The following FLI1 variants were observed in gnomAD, a reference collection of about 807,000 sequenced individuals.
FLI1 encodes Fli-1 proto-oncogene, ETS transcription factor, also known as Friend leukemia integration 1 transcription factor.
In FLI1, 13 loss-of-function variants were observed where a neutral mutation model predicts 53.1. The observed-to-expected ratio is 0.24, with a 90% CI of 0.16 to 0.39. FLI1 has a LOEUF of 0.39. Ranked by LOEUF, FLI1 falls within the 10% of genes least tolerant of loss-of-function variation. FLI1 has a pLI of 1.00. For missense variants in FLI1, 424 were observed against 600.5 expected (o/e 0.71, Z 3.07); for synonymous variants, 244 against 236.7 (o/e 1.03, Z -0.28).
chr11:128,743,994 G>C (rs182805807), intron 1 of FLI1, among the ~76,000 whole-genome samples: 2 of 152,186 alleles, frequency 1.3e-5, no homozygotes, highest in Admixed American at 1.3e-4. Context: ...AGCTGCCAAT[G>C]GAGGGACCAG....
chr11:128,716,917 G>T (rs1007805833), intron 1 of FLI1, among the ~76,000 whole-genome samples: 3 of 152,268 alleles, frequency 2.0e-5, no homozygotes, highest in African/African-American at 7.2e-5. Context: ...AAGAAGGCAG[G>T]GCATGCTCGT....
intron 1 of FLI1, among the ~76,000 whole-genome samples, chr11:128,723,044 A>G (rs1436023360): frequency 2.6e-5 from 4 of 152,146 alleles, no homozygotes; most frequent in African/African-American, 9.7e-5. Context: ...TCTGCGTGGT[A>G]GAAAGAGGGC....
intron 1 of FLI1, among the ~76,000 whole-genome samples, chr11:128,742,738 T>C (rs1407336205): frequency 6.6e-6 from 1 of 152,242 alleles, no homozygotes; most frequent in Non-Finnish European, 1.5e-5. Flanking sequence ...CTTCTTTCTA[T>C]GGAAATGAAT....
chr11:128,786,984 C>T (rs1014185445), intron 5 of FLI1, among the ~76,000 whole-genome samples: 20 of 152,164 alleles, frequency 1.3e-4, no homozygotes, highest in East Asian at 5.8e-4. Flanking sequence ...CCACTGCAAG[C>T]GGAATGGCCA....
chr11:128,732,519 G>A (rs1329735551), intron 1 of FLI1, among the ~76,000 whole-genome samples: 1 of 152,222 alleles, frequency 6.6e-6, no homozygotes, highest in Admixed American at 6.5e-5. Flanking sequence ...AGTCCAATGG[G>A]AGAGCGACAC....
chr11:128,728,965 A>T (rs991983641), intron 1 of FLI1, among the ~76,000 whole-genome samples: 11 of 152,180 alleles, frequency 7.2e-5, no homozygotes, highest in African/African-American at 2.7e-4. Context: ...TGACTCAAGG[A>T]GTTGAGAACC....
intron 1 of FLI1, among the ~76,000 whole-genome samples, chr11:128,727,110 C>T (rs938198232): frequency 2.6e-5 from 4 of 152,066 alleles, no homozygotes; most frequent in African/African-American, 7.3e-5. Context: ...ATAGGCATGT[C>T]CGTAGTTGAA....
intron 1 of FLI1, among the ~76,000 whole-genome samples, chr11:128,753,715 G>A (rs1940744827): frequency 6.6e-6 from 1 of 152,242 alleles, no homozygotes; most frequent in Admixed American, 6.5e-5. Flanking sequence ...GCAAATAAGT[G>A]AAATTTCTGC....
intron 5 of FLI1, among the ~76,000 whole-genome samples, chr11:128,793,732 T>C (rs1364939146): frequency 6.6e-6 from 1 of 152,206 alleles, no homozygotes; most frequent in East Asian, 1.9e-4. Flanking sequence ...TAGGTGCCCA[T>C]GTGCTCTGCT....
At chr11:128,719,442 G>A (rs1939164446) in intron 1 of FLI1, among the ~76,000 whole-genome samples, 2 of 151,602 alleles carry the variant, frequency 1.3e-5, no homozygotes, top group African/African-American at 4.9e-5. Flanking sequence ...AAGTTCCCCT[G>A]GGAGTCTCAG....
rs771888543 is a variant in FLI1, at chr11:128,810,725, G to T, written c.1096G>T (p.Ala366Ser). 1.2e-6 allele frequency: 2 copies of T among 1,614,036 alleles called. No individual in the cohort carries two copies. The highest frequency in any genetic ancestry group is 1.7e-6 in the Non-Finnish European group (2 of 1,179,890). ...TTACAAATTTGACTTCCACGGCATT[G>T]CCCAGGCTCTGCAGCCACATCCGAC... ...YAYKFDFHGI[A>S]QALQPHPTES... Residue 366 changes from alanine to serine, a missense_variant, in exon 9 of 9, where the codon GCC (alanine) becomes TCC (serine). By Grantham distance (99) the Ala-to-Ser change is moderately conservative. Around this residue, in one of 5 missense-constraint regions of FLI1, gnomAD observed 71 missense variants for 174.2 expected, o/e 0.41. Transcript: ENST00000527786. The surrounding 1 kb of genome is among the most constrained non-coding windows in gnomAD (Gnocchi z 6.6).
chr11:128,798,813 C>G (rs1036128730), intron 5 of FLI1, among the ~76,000 whole-genome samples: 1 of 152,024 alleles, frequency 6.6e-6, no homozygotes, highest in Non-Finnish European at 1.5e-5. Flanking sequence ...AGGACTTGGT[C>G]CTGAGCTTCA....
intron 1 of FLI1, among the ~76,000 whole-genome samples, chr11:128,739,136 G>A (rs1940025313): frequency 6.6e-6 from 1 of 152,140 alleles, no homozygotes; most frequent in Admixed American, 6.5e-5. Flanking sequence ...GGCTGAGGGA[G>A]ATCTCTTAGC....
At chr11:128,716,251 C>A (rs536311006) in intron 1 of FLI1, among the ~76,000 whole-genome samples, 2 of 152,230 alleles carry the variant, frequency 1.3e-5, no homozygotes, top group East Asian at 3.9e-4. Context: ...TCTCCCCACC[C>A]CCTCCAAGCC....
intron 1 of FLI1, among the ~76,000 whole-genome samples, chr11:128,688,057 G>C (rs776625031): frequency 4.6e-5 from 7 of 152,144 alleles, no homozygotes; most frequent in African/African-American, 7.2e-5. Flanking sequence ...CCACCACTCG[G>C]AGTACCCGAG....
chr11:128,711,399 A>G (rs1938778486), intron 1 of FLI1, among the ~76,000 whole-genome samples: 1 of 152,244 alleles, frequency 6.6e-6, no homozygotes, highest in African/African-American at 2.4e-5. Context: ...TGAAAAGTGA[A>G]TGTTCAGCAT....
intron 1 of FLI1, among the ~76,000 whole-genome samples, chr11:128,733,487 C>G (rs1939783172): frequency 6.6e-6 from 1 of 152,224 alleles, no homozygotes; most frequent in African/African-American, 2.4e-5. Flanking sequence ...TCTTTAGAAC[C>G]TGGCTGATGC....
chr11:128,735,086 G>C (rs530747844), intron 1 of FLI1, among the ~76,000 whole-genome samples: 76 of 152,182 alleles, frequency 5.0e-4, no homozygotes, highest in Non-Finnish European at 5.3e-4. Flanking sequence ...TCAGCAAAGT[G>C]GGGGAGGGGA....
chr11:128,693,276 C>G (rs556525054), upstream of FLI1: 1 of 152,282 alleles, frequency 6.6e-6, no homozygotes, highest in South Asian at 2.1e-4. Context: ...CCTAACAATG[C>G]GCCCGGAATG....
Sources: allele counts gnomAD v4.1 joint callset (sites outside exome capture counted in the v4.1 genomes callset), GRCh38; gene constraint gnomAD v4.1.1; regional missense constraint gnomAD v4.1.1; non-coding constraint Gnocchi (gnomAD v3.1); transcripts MANE v1.5; gene names NCBI Gene and HGNC (gene_info 2026-07-23, HGNC 2026-07-21).